ARRDC2: variants seen among roughly 807,000 people sequenced by gnomAD.
ARRDC2 encodes the protein arrestin domain-containing protein 2.
In ARRDC2, 39 loss-of-function variants were observed where a neutral mutation model predicts 38.9. The observed-to-expected ratio is 1.00, with a 90% CI of 0.78 to 1.31. The LOEUF (loss-of-function observed/expected upper bound fraction) is 1.31. Ranked by LOEUF, ARRDC2 falls within the 50% of genes most tolerant of loss-of-function variation. ARRDC2 has a pLI of 0.00. For synonymous variants in ARRDC2, 300 were observed against 261.9 expected (o/e 1.15, Z -1.41); for missense variants, 553 against 588.4 (o/e 0.94, Z 0.62).
upstream of ARRDC2, among the ~76,000 whole-genome samples, chr19:18,005,321 C>A (rs543929964): frequency 1.1e-4 from 16 of 152,184 alleles, no homozygotes; most frequent in African/African-American, 3.9e-4. Context: ...GGTCACCGAT[C>A]AACAGGATCA....
At chr19:18,008,047 C>CT (rs1838237556), upstream of ARRDC2, 1 of 1,029,080 alleles carries the variant, frequency 9.7e-7, no homozygotes, top group Admixed American at 3.7e-5. Flanking sequence ...TTGCTCCACG[C>CT]CTGGGCAGAG....
At chr19:18,003,942 T>C (rs2033226152), upstream of ARRDC2, among the ~76,000 whole-genome samples, 2 of 149,866 alleles carry the variant, frequency 1.3e-5, no homozygotes, top group South Asian at 4.3e-4. Context: ...CCCGGCCAAT[T>C]TTTGTATTTT....
intron 7 of ARRDC2, among the ~76,000 whole-genome samples, chr19:18,012,619 A>G (rs1378067287): frequency 1.3e-5 from 2 of 152,158 alleles, no homozygotes; most frequent in African/African-American, 4.8e-5. Flanking sequence ...TAAAGTACAC[A>G]GGAGGATGGG....
In ARRDC2 at chr19:18,008,357, C is replaced by T. The variant is rs747506436; in HGVS notation, c.47C>T (p.Ala16Val). The change falls in exon 1 of 8, where the codon GCG (alanine) becomes GTG (valine). Residue 16 changes from alanine to valine, a missense_variant. Transcript: ENST00000222250. Reference sequence around the variant, plus strand: ...GCGTTCTCGGTGCAGTTGGACGGCGCGACCGCGGGCGTCGAGCCCGTGTTT... The same window carrying T: ...GCGTTCTCGGTGCAGTTGGACGGCGTGACCGCGGGCGTCGAGCCCGTGTTT... ...VKAFSVQLDGATAGVEPVFSG... is the reference protein window; with the variant it reads ...VKAFSVQLDGVTAGVEPVFSG... The T allele has an allele frequency of 6.3e-6, 10 of 1,596,426 alleles. No individual in the cohort carries two copies. The Admixed American group carries it at 1.2e-4, about 19-fold the overall frequency.
chr19:18,010,021 C>A lies in ARRDC2; in HGVS notation c.831C>A (p.His277Gln). The A allele has an allele frequency of 6.2e-7, 1 of 1,602,594 alleles. No homozygotes were observed. Among genetic ancestry groups the A allele is most frequent in the South Asian group, 1.1e-5 (1 of 91,044 alleles). The stretch of plus-strand genomic sequence containing the variant: ...CCATCCTGCACTGCCGCGTTCTACA[C>A]GTGGACTACGCACTCAAGGTAGGGC... Reference protein sequence around the residue: ...GPSILHCRVLHVDYALKVCVD... With the variant: ...GPSILHCRVLQVDYALKVCVD... Residue 277 changes from histidine (H) to glutamine (Q), a missense_variant, in exon 5 of 8, where the codon CAC becomes CAA. Physicochemically the swap from His to Gln is conservative, Grantham distance 24. Around this residue, in one of 3 missense-constraint regions of ARRDC2, gnomAD observed 447 missense variants for 456.6 expected, o/e 0.98. Transcript: ENST00000222250.
In ARRDC2 at chr19:18,008,170, G is replaced by C; in HGVS notation, c.-141G>C. The C allele has an allele frequency of 6.9e-7, 1 of 1,445,120 alleles. No individual in the cohort carries two copies. Among genetic ancestry groups the C allele is most frequent in the Non-Finnish European group, 9.0e-7 (1 of 1,110,754 alleles). The allele number at this position is 1,445,120 out of a possible 1,614,324, so 89.5% of individuals were successfully genotyped here. A position where few individuals can be genotyped will look rare whatever the true frequency, so the allele number is the denominator to read the frequency against. On this transcript the variant is annotated 5_prime_UTR_variant, in exon 1 of 8. Coordinates refer to ENST00000222250, the MANE Select transcript of ARRDC2 (RefSeq NM_015683.2). ...AAGCGGCGCCGACGCACGGCGCGGG[G>C]ATTTTCTGCTCCGGTTGGTGAGCGC...
Position 18,013,119 on chromosome 19 carries a change from A to C in ARRDC2, c.*153A>C. 1 of 753,368 alleles carries C rather than the reference A, an allele frequency of 1.3e-6. No homozygotes were observed. Among genetic ancestry groups the C allele is most frequent in the Non-Finnish European group, 2.1e-6 (1 of 468,960 alleles). The allele number at this position is 753,368 out of a possible 1,614,324, so 46.7% of individuals were successfully genotyped here. A position where few individuals can be genotyped will look rare whatever the true frequency, so the allele number is the denominator to read the frequency against. Reference sequence around the variant, plus strand: ...GAGGCGGGGGCCTTTCGGATATCACATGGGACAGAGGAAGAGCCCGGCTGG... The same window carrying C: ...GAGGCGGGGGCCTTTCGGATATCACCTGGGACAGAGGAAGAGCCCGGCTGG... On this transcript the variant is annotated 3_prime_UTR_variant, in exon 8 of 8. Coordinates refer to ENST00000222250, the MANE Select transcript of ARRDC2 (RefSeq NM_015683.2).
In ARRDC2 at chr19:18,009,672, C is replaced by T. The variant is rs781213240; in HGVS notation, c.570C>T (p.Ile190=). The T allele has an allele frequency of 6.2e-6, 10 of 1,611,072 alleles. No homozygotes were observed. Among genetic ancestry groups the T allele is most frequent in the African/African-American group, 4.0e-5 (3 of 74,840 alleles). The change falls in exon 4 of 8, where the codon ATC becomes ATT. Residue 190 remains isoleucine, a synonymous_variant. Coordinates refer to ENST00000222250, the MANE Select transcript of ARRDC2 (RefSeq NM_015683.2). ...GCCTAGTCTCCCTTTCGGCCAAGATCGACCGCAAGGGCTACACCCCAGGTA... is the reference window on the plus strand; with the variant it reads ...GCCTAGTCTCCCTTTCGGCCAAGATTGACCGCAAGGGCTACACCCCAGGTA... ...NRGLVSLSAK[I]DRKGYTPGEV...
chr19:18,003,087 G>A (rs1217113181), intron 1 of ARRDC2, among the ~76,000 whole-genome samples: 3 of 151,950 alleles, frequency 2.0e-5, no homozygotes, highest in Admixed American at 6.6e-5. Flanking sequence ...GCAACAGAGC[G>A]AAACTCCGTC....
At chr19:18,002,317 T>C (rs921259221) in intron 1 of ARRDC2, among the ~76,000 whole-genome samples, 15 of 152,164 alleles carry the variant, frequency 9.9e-5, no homozygotes, top group African/African-American at 3.1e-4. Context: ...GGTCACATTC[T>C]CCTGGGAGTC....
At chr19:18,011,952 ATTTTTTTT>A (rs71164342) in intron 7 of ARRDC2, among the ~76,000 whole-genome samples, 4 of 100,752 alleles carry the variant, frequency 4.0e-5, no homozygotes, top group African/African-American at 1.7e-4. Flanking sequence ...ATATATATAT[ATTTTTTTT>A]TTTTTTTTTT....
chr19:18,004,751 G>C (rs1305828449), upstream of ARRDC2, among the ~76,000 whole-genome samples: 1 of 150,814 alleles, frequency 6.6e-6, no homozygotes, highest in East Asian at 2.0e-4. Context: ...TGTAATCCCA[G>C]CACTTTGGGA....
chr19:18,012,823 C>T (rs1475368795), intron 7 of ARRDC2, 90 bp from the exon 8 acceptor site: 42 of 1,365,166 alleles, frequency 3.1e-5, no homozygotes, highest in Middle Eastern at 3.7e-4. Flanking sequence ...TGGTCAAGGG[C>T]GGGAGTTGGG....
At chr19:18,008,115 G>GTGGGGC, upstream of ARRDC2, 24 of 810,026 alleles carry the variant, frequency 3.0e-5, no homozygotes, top group East Asian at 4.8e-5. Context: ...AAGAGACGGT[G>GTGGGGC]ACCCCACCCC....
At chr19:18,001,225 G>T (rs1271677257) in exon 1 of ARRDC2, 1 of 1,108,516 alleles carries the variant, frequency 9.0e-7, no homozygotes, top group Non-Finnish European at 1.1e-6. Context: ...GGACGCGACG[G>T]GGGAACGCGG....
Position 18,009,038 on chromosome 19 carries a change from C to A in ARRDC2, c.409C>A (p.Arg137=), listed in dbSNP as rs371134871. 1 of 1,613,648 alleles carries A rather than the reference C, an allele frequency of 6.2e-7. No homozygotes were observed. The highest frequency in any genetic ancestry group is 8.5e-7 in the Non-Finnish European group (1 of 1,180,000). The change falls in exon 3 of 8, where the codon CGG becomes AGG. Residue 137 remains arginine (R), a synonymous_variant. Transcript: ENST00000222250. ...VRYCIKATLH[R]PWVPARRARK... is the part of the protein sequence containing the mutation. The stretch of plus-strand genomic sequence containing the variant: ...CTACTGTATCAAGGCCACCCTGCAC[C>A]GGCCCTGGGTCCCAGCACGCCGGGC...
chr19:18,009,926 G>A lies in ARRDC2; in HGVS notation c.736G>A (p.Glu246Lys), dbSNP rs779856527. 27 of 1,606,260 alleles carry A rather than the reference G, an allele frequency of 1.7e-5. No homozygotes were observed. Among genetic ancestry groups the A allele is most frequent in the Non-Finnish European group, 2.1e-5 (25 of 1,178,730 alleles). ...KRAVVASLAG[E>K]PVGPGQRALW... ...GGCAGTGGTGGCCAGCCTCGCGGGCGAGCCGGTGGGCCCCGGGCAGCGGGC... is the reference window on the plus strand; with the variant it reads ...GGCAGTGGTGGCCAGCCTCGCGGGCAAGCCGGTGGGCCCCGGGCAGCGGGC... The change falls in exon 5 of 8, where the codon GAG becomes AAG. Residue 246 changes from glutamate to lysine, a missense_variant. Physicochemically the swap from Glu to Lys is moderately conservative, Grantham distance 56. Around this residue, in one of 3 missense-constraint regions of ARRDC2, gnomAD observed 447 missense variants for 456.6 expected, o/e 0.98. Transcript: ENST00000222250.
rs1599400035 is a variant in ARRDC2 at position 18,010,039 on chromosome 19, G to C, written c.849G>C (p.Lys283Asn). The C allele has an allele frequency of 2.5e-6, 4 of 1,603,300 alleles. No individual in the cohort carries two copies. The East Asian group carries it at 8.9e-5, about 36-fold the overall frequency. Residue 283 changes from lysine (K) to asparagine (N), a missense_variant and splice_region_variant, in exon 5 of 8, where the codon AAG becomes AAC. Around this residue, in one of 3 missense-constraint regions of ARRDC2, gnomAD observed 447 missense variants for 456.6 expected, o/e 0.98. Coordinates refer to ENST00000222250, the MANE Select transcript of ARRDC2 (RefSeq NM_015683.2). ...TTCTACACGTGGACTACGCACTCAA[G>C]GTAGGGCATCCTGCTGGCCCTGGGG... ...CRVLHVDYAL[K>N]VCVDIPGTSK... is the part of the protein sequence containing the mutation.
At chr19:18,012,526 G>A (rs2033434381) in intron 7 of ARRDC2, among the ~76,000 whole-genome samples, 2 of 152,162 alleles carry the variant, frequency 1.3e-5, no homozygotes, top group Non-Finnish European at 2.9e-5. Context: ...GGTAGAGGTT[G>A]CAGTGAGCCG....
Sources: gnomAD v4.1 joint callset for allele counts (sites outside exome capture counted in the v4.1 genomes callset) on GRCh38, gnomAD v4.1.1 for gene constraint, gnomAD v4.1.1 regional missense constraint, MANE v1.5 for transcripts, NCBI Gene and HGNC (gene_info 2026-07-23, HGNC 2026-07-21) for gene names.